Variants in GRIA3 observed in about 807,000 individuals in gnomAD.
The protein encoded by GRIA3 is glutamate ionotropic receptor AMPA type subunit 3, also known as glutamate receptor 3.
Under a neutral mutation model 63.0 loss-of-function variants are expected in GRIA3, and 3 were observed. The ratio of observed to expected loss-of-function variants is 0.05; its 90% CI spans 0.02 to 0.12. GRIA3 has a LOEUF of 0.12. Among genes scored for constraint, GRIA3 ranks in the 10% least tolerant of loss-of-function variants. GRIA3 has a pLI of 1.00. For synonymous variants in GRIA3, 274 were observed against 257.9 expected, an observed-to-expected ratio of 1.06 and a Z score of -0.60; for missense variants, 347 against 700.9, an observed-to-expected ratio of 0.50 and a Z score of 5.70.
At chrX:123,259,719 T>C (rs2044440458) in intron 3 of GRIA3, among the ~76,000 whole-genome samples, 1 of 111,663 alleles carries the variant, frequency 9.0e-6, no homozygotes, top group Admixed American at 9.5e-5. Flanking sequence ...CATGGAAAGG[T>C]TAAATGATAG....
At chrX:123,276,577 C>T (rs776810831) in intron 3 of GRIA3, among the ~76,000 whole-genome samples, 4 of 111,903 alleles carry the variant, frequency 3.6e-5, no homozygotes, top group Admixed American at 9.5e-5. Flanking sequence ...ATGATCTAGG[C>T]GGTGTTACTG....
intron 2 of GRIA3, among the ~76,000 whole-genome samples, chrX:123,201,598 C>G (rs1249099719): frequency 9.1e-6 from 1 of 110,142 alleles, no homozygotes; most frequent in Non-Finnish European, 1.9e-5. Flanking sequence ...CTCAAAGTCA[C>G]AAAGCCAGTC....
intron 3 of GRIA3, among the ~76,000 whole-genome samples, chrX:123,305,119 G>T (rs1033677026): frequency 6.2e-5 from 7 of 112,006 alleles, no homozygotes; most frequent in African/African-American, 2.3e-4. Context: ...CCACAAGAAA[G>T]AATTGCTGGA....
At chrX:123,186,306 G>GA (rs984207792) in intron 2 of GRIA3, among the ~76,000 whole-genome samples, 33 of 106,184 alleles carry the variant, frequency 3.1e-4, no homozygotes, top group African/African-American at 1.1e-3. Flanking sequence ...TTTAACTGGG[G>GA]AAAAAAAAAG....
At chrX:123,430,470 A>T (rs1052570006) in intron 12 of GRIA3, among the ~76,000 whole-genome samples, 1 of 111,347 alleles carries the variant, frequency 9.0e-6, no homozygotes, top group Non-Finnish European at 1.9e-5. Context: ...ACCTGCTTAT[A>T]CTGAAAATGT....
chrX:123,225,919 T>C (rs1405012642), intron 2 of GRIA3, among the ~76,000 whole-genome samples: 1 of 111,641 alleles, frequency 9.0e-6, no homozygotes, highest in African/African-American at 3.3e-5. Context: ...TTGACCTCTA[T>C]TTCATTCATG....
chrX:123,215,197 T>C (rs1008826565), intron 2 of GRIA3, among the ~76,000 whole-genome samples: 1 of 111,966 alleles, frequency 8.9e-6, no homozygotes, highest in Non-Finnish European at 1.9e-5. Context: ...TCCCACTAAA[T>C]TGTCCAGCAA....
chrX:123,293,488 C>A (rs1603074718), intron 3 of GRIA3, among the ~76,000 whole-genome samples: 1 of 110,272 alleles, frequency 9.1e-6, no homozygotes, highest in Admixed American at 9.7e-5. Flanking sequence ...CACTGCATCC[C>A]CTGTGCTTTT....
intron 12 of GRIA3, among the ~76,000 whole-genome samples, chrX:123,455,495 A>T (rs1486708836): frequency 8.9e-6 from 1 of 112,205 alleles, no homozygotes; most frequent in Non-Finnish European, 1.9e-5. Flanking sequence ...TGACTTCTTC[A>T]AAACATAAGT....
At chrX:123,452,959 C>T (rs2045741211) in intron 12 of GRIA3, among the ~76,000 whole-genome samples, 1 of 112,069 alleles carries the variant, frequency 8.9e-6, no homozygotes, top group South Asian at 3.7e-4. Context: ...ACTAGTTCAA[C>T]CATTGTGGAA....
At chrX:123,215,433 T>C (rs190632292) in intron 2 of GRIA3, among the ~76,000 whole-genome samples, 1 of 112,166 alleles carries the variant, frequency 8.9e-6, no homozygotes, top group East Asian at 2.8e-4. Context: ...AAACTGTTCG[T>C]TCCTTTTCCC....
intron 11 of GRIA3, among the ~76,000 whole-genome samples, chrX:123,418,172 A>T (rs937624561): frequency 1.8e-5 from 2 of 111,910 alleles, no homozygotes; most frequent in Admixed American, 1.9e-4. Context: ...ACAAAATTTA[A>T]AAGAACATAG....
intron 3 of GRIA3, among the ~76,000 whole-genome samples, chrX:123,316,975 TGGGAACAAAAAAA>T (rs1485118672): frequency 9.0e-6 from 1 of 111,578 alleles, no homozygotes; most frequent in African/African-American, 3.3e-5. Flanking sequence ...TACCCAAAAC[TGGGAACAAAAAAA>T]GGTTTAATTG....
intron 1 of GRIA3, among the ~76,000 whole-genome samples, chrX:123,185,325 C>A (rs1272475507): frequency 9.0e-6 from 1 of 111,266 alleles, no homozygotes; most frequent in Admixed American, 9.4e-5. Flanking sequence ...TGGCTTCTGT[C>A]GTATTTACAA....
intron 2 of GRIA3, among the ~76,000 whole-genome samples, chrX:123,208,767 T>C (rs1022725951): frequency 8.0e-5 from 9 of 112,154 alleles, no homozygotes; most frequent in Admixed American, 6.6e-4. Flanking sequence ...GTCTGTTTTA[T>C]AAAGCTTGTG....
At chrX:123,248,021 T>C (rs1337973570) in intron 2 of GRIA3, among the ~76,000 whole-genome samples, 3 of 112,494 alleles carry the variant, frequency 2.7e-5, no homozygotes, top group Non-Finnish European at 3.8e-5. Flanking sequence ...GCCTGACACA[T>C]AGTAGACGCT....
At chrX:123,330,639 C>A (rs1372617862) in intron 4 of GRIA3, among the ~76,000 whole-genome samples, 1 of 111,725 alleles carries the variant, frequency 9.0e-6, no homozygotes, top group Non-Finnish European at 1.9e-5. Context: ...GTAGTTTAAT[C>A]ACCTTCTCAA....
chrX:123,331,878 T>C (rs1443127329), intron 4 of GRIA3, among the ~76,000 whole-genome samples: 1 of 111,676 alleles, frequency 9.0e-6, no homozygotes. Context: ...ACTACCTTCC[T>C]TTCGTGGTTG....
rs576752830 is a variant in GRIA3, at chrX:123,291,737, C to T, written c.509-34289C>T. Among the ~76,000 whole-genome samples the T allele has an allele frequency of 2.2e-4, 24 of 110,290 alleles. No homozygotes were observed. In the South Asian group the frequency reaches 8.2e-3, roughly 38 times the overall value. ...TTTGCCAGAACTATATTGCATGGCC[C>T]GCCTCCTCAATATCAGTTGCAAGGG... On this transcript the variant is annotated intron_variant, in intron 3 of 15. Coordinates refer to ENST00000620443, the MANE Select transcript of GRIA3 (RefSeq NM_007325.5).
Sources: gnomAD v4.1 joint callset for allele counts (sites outside exome capture counted in the v4.1 genomes callset) on GRCh38, gnomAD v4.1.1 for gene constraint, MANE v1.5 for transcripts, NCBI Gene and HGNC (gene_info 2026-07-23, HGNC 2026-07-21) for gene names.